Variants in SLC37A1 observed in about 807,000 individuals in gnomAD.
The protein encoded by SLC37A1 is solute carrier family 37 member 1.
In SLC37A1, 49 loss-of-function variants were observed where a neutral mutation model predicts 75.3. The ratio of observed to expected loss-of-function variants is 0.65; its 90% CI spans 0.52 to 0.83. The LOEUF (loss-of-function observed/expected upper bound fraction) is 0.83, where lower values mean the gene tolerates loss of function less well. Among genes scored for constraint, SLC37A1 ranks in the 40% least tolerant of loss-of-function variants. The pLI, the probability that SLC37A1 is intolerant of heterozygous loss-of-function variation, is 0.00. For missense variants in SLC37A1, 566 were observed against 695.0 expected, an observed-to-expected ratio of 0.81 and a Z score of 2.09; for synonymous variants, 268 against 292.1, an observed-to-expected ratio of 0.92 and a Z score of 0.84.
chr21:42,561,942 G>C (rs538403259), intron 11 of SLC37A1, 136 bp from the exon 12 acceptor site: 3 of 713,294 alleles, frequency 4.2e-6, no homozygotes, highest in Admixed American at 2.0e-5. Context: ...TCCCCAGTAC[G>C]TGTCTGGAGG....
intron 18 of SLC37A1, chr21:42,575,200 G>C (rs1364026258): frequency 7.1e-6 from 7 of 983,650 alleles, no homozygotes; most frequent in African/African-American, 1.7e-5. Flanking sequence ...TGTCATGTGT[G>C]TGACTTGGGC....
Position 42,563,862 on chromosome 21 carries a change from G to T in SLC37A1, c.1120G>T (p.Val374Leu), listed in dbSNP as rs756652721. 6.2e-7 allele frequency: 1 copy of T among 1,614,200 alleles called. No homozygotes were observed. The highest frequency in any genetic ancestry group is 1.7e-5 in the Admixed American group (1 of 60,028). Residue 374 changes from valine (V) to leucine (L), a missense_variant, in exon 13 of 20, where the codon GTG (valine) becomes TTG (leucine). Val to Leu is a conservative substitution (Grantham distance 32). Coordinates refer to ENST00000352133, the MANE Select transcript of SLC37A1 (RefSeq NM_001320537.2). ...KAGELSTLFD[V>L]GGIFGGILAG... ...GGGGGAGCTCTCCACCCTGTTTGAC[G>T]TGGGCGGAATCTTTGGTGAGTTCAT...
intron 17 of SLC37A1, among the ~76,000 whole-genome samples, chr21:42,572,833 T>C (rs1012690080): frequency 1.3e-5 from 2 of 152,140 alleles, no homozygotes; most frequent in African/African-American, 2.4e-5. Flanking sequence ...GCTTGCTTGC[T>C]TTCACGTTGG....
rs1237290553 is a variant in SLC37A1 at position 42,542,498 on chromosome 21, T to G, written c.563+18T>G. ...AAAGGAAGGTGAGAAAAAGCAGCCC[T>G]GTTTCCAATAGCAGATGAAAACTAG... On this transcript the variant is annotated intron_variant, in intron 7 of 19. Coordinates refer to ENST00000352133, the MANE Select transcript of SLC37A1 (RefSeq NM_001320537.2). 1.2e-6 allele frequency: 2 copies of G among 1,613,546 alleles called. No individual in the cohort carries two copies. The highest frequency in any genetic ancestry group is 2.2e-5 in the South Asian group (2 of 91,030).
chr21:42,521,911 C>G (rs960582245), intron 2 of SLC37A1, among the ~76,000 whole-genome samples: 2 of 152,260 alleles, frequency 1.3e-5, no homozygotes, highest in Non-Finnish European at 2.9e-5. Context: ...AATTTACCCT[C>G]TCACATCCCT....
chr21:42,561,913 A>C, intron 11 of SLC37A1, 165 bp from the exon 12 acceptor site: 1 of 641,342 alleles, frequency 1.6e-6, no homozygotes. Context: ...TCACTACACC[A>C]CACAGCGGTG....
intron 3 of SLC37A1, among the ~76,000 whole-genome samples, chr21:42,534,133 T>C (rs1173291641): frequency 6.6e-6 from 1 of 152,192 alleles, no homozygotes; most frequent in African/African-American, 2.4e-5. Flanking sequence ...TAGGTAACCG[T>C]GACTCTCACC....
At chr21:42,518,954 A>T (rs2054580538) in intron 2 of SLC37A1, among the ~76,000 whole-genome samples, 1 of 152,224 alleles carries the variant, frequency 6.6e-6, no homozygotes, top group Admixed American at 6.5e-5. Context: ...TTCCGTTCAG[A>T]GAGTGCCTCG....
chr21:42,533,094 A>AAG (rs2055032539), intron 3 of SLC37A1, among the ~76,000 whole-genome samples: 1 of 151,982 alleles, frequency 6.6e-6, no homozygotes, highest in African/African-American at 2.4e-5. Flanking sequence ...CTCCCTCCTG[A>AAG]AGAGGGGGGG....
chr21:42,513,502 C>T (rs1393832493), upstream of SLC37A1, among the ~76,000 whole-genome samples: 1 of 151,520 alleles, frequency 6.6e-6, no homozygotes, highest in Non-Finnish European at 1.5e-5. Context: ...TGACCCTCGC[C>T]GCCTGTGGGG....
Position 42,581,394 on chromosome 21 carries a change from G to C in SLC37A1, c.*1034G>C, listed in dbSNP as rs943761633. On this transcript the variant is annotated 3_prime_UTR_variant, in exon 20 of 20. Coordinates refer to ENST00000352133, the MANE Select transcript of SLC37A1 (RefSeq NM_001320537.2). ...GTTGTGTCTAGCAAAATACTTATCT[G>C]CCCTTTGAAATAAAATGTTTTTGTT... 1 of 152,500 alleles carries C rather than the reference G, an allele frequency of 6.6e-6. No homozygotes were observed. Among genetic ancestry groups the C allele is most frequent in the African/African-American group, 2.4e-5 (1 of 41,372 alleles). The allele number at this position is 152,500 out of a possible 1,614,324, so 9.4% of individuals were successfully genotyped here.
In SLC37A1 at chr21:42,553,923, A is replaced by G. The variant is rs898252798; in HGVS notation, c.769-139A>G. 4 of 574,332 alleles carry G rather than the reference A, an allele frequency of 7.0e-6. No homozygotes were observed. In the African/African-American group the frequency reaches 7.5e-5, roughly 11 times the overall value. The allele number at this position is 574,332 out of a possible 1,614,324, so 35.6% of individuals were successfully genotyped here. A position where few individuals can be genotyped will look rare whatever the true frequency, so the allele number is the denominator to read the frequency against. ...GTCTGGAGTGTTGAGATCAACCATT[A>G]TTCTGTTTAAATCAGTTGTCTTATG... On this transcript the variant is annotated intron_variant, in intron 9 of 19. Coordinates refer to ENST00000352133, the MANE Select transcript of SLC37A1 (RefSeq NM_001320537.2).
At chr21:42,511,741 T>C (rs2054434695), upstream of SLC37A1, among the ~76,000 whole-genome samples, 1 of 152,152 alleles carries the variant, frequency 6.6e-6, no homozygotes, top group Non-Finnish European at 1.5e-5. Flanking sequence ...CCTTGACCAT[T>C]GCACTCACGC....
chr21:42,571,570 C>G (rs1337027870), intron 17 of SLC37A1, among the ~76,000 whole-genome samples: 1 of 152,116 alleles, frequency 6.6e-6, no homozygotes, highest in East Asian at 1.9e-4. Context: ...ATTTCAGCTG[C>G]CTCTCTCTGC....
chr21:42,521,506 G>C (rs1297574886), intron 2 of SLC37A1, among the ~76,000 whole-genome samples: 3 of 152,216 alleles, frequency 2.0e-5, no homozygotes, highest in Non-Finnish European at 4.4e-5. Flanking sequence ...TGTGATTGAG[G>C]TAATAACAGT....
chr21:42,569,603 A>G (rs1029317584), intron 17 of SLC37A1, among the ~76,000 whole-genome samples: 5 of 151,802 alleles, frequency 3.3e-5, no homozygotes, highest in African/African-American at 1.2e-4. Context: ...TCTCAGCAAG[A>G]CTTCCTGGGA....
chr21:42,510,485 C>T (rs2054423034), upstream of SLC37A1, among the ~76,000 whole-genome samples: 1 of 151,692 alleles, frequency 6.6e-6, no homozygotes, highest in Non-Finnish European at 1.5e-5. Context: ...GAACTACAAA[C>T]CGCCAGAAAG....
intron 2 of SLC37A1, among the ~76,000 whole-genome samples, chr21:42,506,792 T>G (rs76019058): frequency 6.6e-6 from 1 of 152,218 alleles, no homozygotes; most frequent in Non-Finnish European, 1.5e-5. Flanking sequence ...CCTTTTTTTT[T>G]GCTAGGTCAG....
intron 10 of SLC37A1, among the ~76,000 whole-genome samples, chr21:42,556,636 G>A (rs113234698): frequency 0.011 from 1,614 of 152,296 alleles, 33 homozygotes; most frequent in African/African-American, 0.037. Flanking sequence ...CACACCCACC[G>A]GGGGCTCCAC....
Sources: allele counts gnomAD v4.1 joint callset (sites outside exome capture counted in the v4.1 genomes callset), GRCh38; gene constraint gnomAD v4.1.1; transcripts MANE v1.5; gene names NCBI Gene and HGNC (gene_info 2026-07-23, HGNC 2026-07-21).